Variants in TUSC3 observed in about 807,000 individuals in gnomAD.
The protein encoded by TUSC3 is tumor suppressor candidate 3, also known as dolichyl-diphosphooligosaccharide--protein glycosyltransferase subunit TUSC3.
In TUSC3, 45 loss-of-function variants were observed where a neutral mutation model predicts 44.8. That is an observed-to-expected ratio of 1.00 (90% CI 0.79 to 1.29). The LOEUF is 1.29. Ranked by LOEUF, TUSC3 falls within the 50% of genes most tolerant of loss-of-function variation. The pLI is 0.00. For missense variants in TUSC3, 519 were observed against 437.9 expected, an observed-to-expected ratio of 1.19 and a Z score of -1.65; for synonymous variants, 212 against 152.9, an observed-to-expected ratio of 1.39 and a Z score of -2.85.
intron 2 of TUSC3, among the ~76,000 whole-genome samples, chr8:15,626,884 A>G (rs1487343855): frequency 1.3e-5 from 2 of 152,128 alleles, no homozygotes; most frequent in Non-Finnish European, 2.9e-5. Flanking sequence ...GGCAAGAACA[A>G]CCTGGGCACC....
chr8:15,627,921 C>A (rs1585169186), intron 2 of TUSC3, among the ~76,000 whole-genome samples: 1 of 152,168 alleles, frequency 6.6e-6, no homozygotes, highest in Non-Finnish European at 1.5e-5. Flanking sequence ...CAAAACGAAT[C>A]CAGTGGGCCA....
intron 6 of TUSC3, among the ~76,000 whole-genome samples, chr8:15,694,458 AAAG>A (rs1376313286): frequency 6.9e-6 from 1 of 144,474 alleles, no homozygotes; most frequent in Non-Finnish European, 1.5e-5. Context: ...AAAAAAAAAA[AAAG>A]ATTGTTGGGG....
intron 1 of TUSC3, among the ~76,000 whole-genome samples, chr8:15,461,411 T>C (rs997740946): frequency 2.0e-5 from 3 of 152,106 alleles, no homozygotes; most frequent in Admixed American, 2.0e-4. Context: ...CTGAATTCTT[T>C]TATCAGTTCT....
the TUSC3 span, among the ~76,000 whole-genome samples, chr8:15,843,637 T>C: frequency 6.9e-6 from 1 of 144,228 alleles, no homozygotes. Flanking sequence ...CACATACACA[T>C]ATATACATCT....
In TUSC3 at chr8:15,582,800, A is replaced by G. The variant is rs549105874; in HGVS notation, c.139-40280A>G. 1.1e-4 allele frequency among the ~76,000 whole-genome samples: 16 copies of G among 152,262 alleles called. No homozygotes were observed. In the East Asian group the frequency reaches 1.5e-3, roughly 15 times the overall value. ...AGATTAGTCTTAATCAGTTACAGTC[A>G]CTCACCACCTCCCCAGAACTTTACT... On this transcript the variant is annotated intron_variant, in intron 1 of 10. Coordinates refer to ENST00000503731, the MANE Select transcript of TUSC3 (RefSeq NM_006765.4).
At chr8:15,601,906 G>T (rs1355824445) in intron 1 of TUSC3, among the ~76,000 whole-genome samples, 1 of 90,810 alleles carries the variant, frequency 1.1e-5, no homozygotes, top group Non-Finnish European at 2.2e-5. Flanking sequence ...TAATATTGTG[G>T]TTATTTATGT....
chr8:15,499,309 G>C (rs1204365083), intron 2 of TUSC3, among the ~76,000 whole-genome samples: 1 of 152,132 alleles, frequency 6.6e-6, no homozygotes, highest in Non-Finnish European at 1.5e-5. Context: ...AAAGGCACAG[G>C]TCAAAGTGTG....
intron 1 of TUSC3, among the ~76,000 whole-genome samples, chr8:15,462,571 C>T (rs1429453651): frequency 6.6e-6 from 1 of 152,020 alleles, no homozygotes; most frequent in Non-Finnish European, 1.5e-5. Context: ...GGGAAGCTTT[C>T]CTGCCTTAAA....
At chr8:15,662,877 A>G (rs913043750) in intron 5 of TUSC3, among the ~76,000 whole-genome samples, 85 of 152,074 alleles carry the variant, frequency 5.6e-4, no homozygotes, top group African/African-American at 1.9e-3. Context: ...AATCATGACA[A>G]GCTTCCCAGA....
chr8:15,558,615 A>G (rs1396579567), intron 1 of TUSC3, among the ~76,000 whole-genome samples: 4 of 101,906 alleles, frequency 3.9e-5, no homozygotes, highest in African/African-American at 9.8e-5. Context: ...GGTAGAATTC[A>G]GCTGTGAATC....
chr8:15,559,052 A>C lies in TUSC3; in HGVS notation c.138+18484A>C, dbSNP rs566054004. 2.4e-3 allele frequency among the ~76,000 whole-genome samples: 353 copies of C among 145,040 alleles called. 5 individuals are homozygous for C. Among genetic ancestry groups the C allele is most frequent in the African/African-American group, 8.5e-3 (338 of 39,702 alleles). On this transcript the variant is annotated intron_variant, in intron 1 of 10. Coordinates refer to ENST00000503731, the MANE Select transcript of TUSC3 (RefSeq NM_006765.4). ...TTTCTTGCTTTCTGCTAGCTTTTGA[A>C]TGTGTTTGCTCTTGCTTTTCTAGTT... is the stretch of plus-strand genomic sequence containing the variant.
At chr8:15,475,279 A>G (rs984279486) in intron 1 of TUSC3, among the ~76,000 whole-genome samples, 16 of 152,212 alleles carry the variant, frequency 1.1e-4, no homozygotes, top group Non-Finnish European at 7.3e-5. Flanking sequence ...GAAGTGGCAA[A>G]GGACAGAGAT....
At position 15,755,441 on chromosome 8, in the gene TUSC3, T is replaced by A. The variant is rs533218412; in HGVS notation, c.1029-2350T>A. ...AAAAGTTTTTCTTTACGCTAAAGAT[T>A]AAGTAGTTTTGTCTCATAGTTGCAT... On this transcript the variant is annotated intron_variant, in intron 9 of 10. Transcript: ENST00000503731. Among the ~76,000 whole-genome samples the A allele has an allele frequency of 3.3e-5, 5 of 152,254 alleles. No individual in the cohort carries two copies. In the East Asian group the frequency reaches 9.7e-4, roughly 29 times the overall value.
intron 1 of TUSC3, among the ~76,000 whole-genome samples, chr8:15,621,987 C>A (rs1805268084): frequency 2.0e-5 from 3 of 152,026 alleles, no homozygotes; most frequent in Non-Finnish European, 4.4e-5. Context: ...TTTACCTTAA[C>A]TCAGGATAAG....
At chr8:15,435,054 A>T (rs948922008) in intron 1 of TUSC3, among the ~76,000 whole-genome samples, 1 of 148,416 alleles carries the variant, frequency 6.7e-6, no homozygotes, top group African/African-American at 2.6e-5. Context: ...TATACCCAGT[A>T]ATGGGATGGC....
intron 1 of TUSC3, among the ~76,000 whole-genome samples, chr8:15,430,349 A>G (rs1799856965): frequency 6.7e-6 from 1 of 150,278 alleles, no homozygotes; most frequent in Admixed American, 6.6e-5. Flanking sequence ...AACGTAATCC[A>G]GCGTATAAAC....
chr8:15,644,239 C>T (rs1301406662), intron 2 of TUSC3, among the ~76,000 whole-genome samples: 1 of 152,168 alleles, frequency 6.6e-6, no homozygotes, highest in African/African-American at 2.4e-5. Flanking sequence ...GAACAGTGCC[C>T]TGCAGTTATT....
chr8:15,626,145 C>G (rs905873861), intron 2 of TUSC3, among the ~76,000 whole-genome samples: 2 of 152,114 alleles, frequency 1.3e-5, no homozygotes, highest in Non-Finnish European at 2.9e-5. Context: ...CTGACTGTGC[C>G]ACCCCCACCC....
At chr8:15,715,974 G>A (rs1810040677) in intron 6 of TUSC3, among the ~76,000 whole-genome samples, 2 of 152,070 alleles carry the variant, frequency 1.3e-5, no homozygotes, top group Admixed American at 1.3e-4. Flanking sequence ...CTAATGGAAG[G>A]GTTGGGTGTG....
Sources: gnomAD v4.1 joint callset for allele counts (sites outside exome capture counted in the v4.1 genomes callset) on GRCh38, gnomAD v4.1.1 for gene constraint, MANE v1.5 for transcripts, NCBI Gene and HGNC (gene_info 2026-07-23, HGNC 2026-07-21) for gene names.